The following CADPS variants were observed in gnomAD, a reference collection of about 807,000 sequenced individuals.
CADPS encodes the protein calcium-dependent secretion activator 1.
In CADPS, 57 loss-of-function variants were observed where a neutral mutation model predicts 167.3. That is an observed-to-expected ratio of 0.34 (90% CI 0.28 to 0.42). The LOEUF (loss-of-function observed/expected upper bound fraction) is 0.42. CADPS is among the 20% of genes least tolerant of loss of function. The pLI, the probability that CADPS is intolerant of heterozygous loss-of-function variation, is 1.00. For synonymous variants in CADPS, 676 were observed against 635.3 expected, an observed-to-expected ratio of 1.06 and a Z score of -0.96; for missense variants, 1,414 against 1,738.1, an observed-to-expected ratio of 0.81 and a Z score of 3.32.
At chr3:62,810,583 T>G (rs2152863328) in intron 1 of CADPS, among the ~76,000 whole-genome samples, 1 of 152,318 alleles carries the variant, frequency 6.6e-6, no homozygotes, top group Non-Finnish European at 1.5e-5. Context: ...GAGCATGAAT[T>G]TCTGATAATC....
At chr3:62,543,104 C>T (rs2075964275) in intron 11 of CADPS, among the ~76,000 whole-genome samples, 1 of 152,048 alleles carries the variant, frequency 6.6e-6, no homozygotes, top group African/African-American at 2.4e-5. Flanking sequence ...TAGATCAAAT[C>T]ATGGTGTTTG....
intron 1 of CADPS, among the ~76,000 whole-genome samples, chr3:62,852,363 G>C (rs2078789250): frequency 1.3e-5 from 2 of 152,130 alleles, no homozygotes; most frequent in African/African-American, 2.4e-5. Flanking sequence ...CCCGTCTTCT[G>C]TGTCGCTCAC....
At chr3:62,500,858 A>G (rs1249217318) in intron 17 of CADPS, among the ~76,000 whole-genome samples, 2 of 152,226 alleles carry the variant, frequency 1.3e-5, no homozygotes, top group African/African-American at 2.4e-5. Flanking sequence ...CGTAATGAAC[A>G]TATCAGGTCA....
Position 62,438,223 on chromosome 3 carries a change from C to A in CADPS, c.3670-12G>T, listed in dbSNP as rs1332386461. 3.1e-6 allele frequency: 5 copies of A among 1,606,166 alleles called. No homozygotes were observed. The South Asian group carries it at 4.4e-5, about 14-fold the overall frequency. ...TCCATCCCGGGTTTCTGTAAAGAAA[C>A]AGGAAAACATGAAAACGAATTTTCA... On this transcript the variant is annotated splice_polypyrimidine_tract_variant and intron_variant, in intron 27 of 29. Transcript: ENST00000383710. The surrounding 1 kb of genome is among the most constrained non-coding windows in gnomAD (Gnocchi z 4.7).
rs5849492 is a variant in CADPS, at chr3:62,662,506, T to TA, written c.889-113dup. On this transcript the variant is annotated intron_variant, in intron 3 of 29. Transcript: ENST00000383710. Reference sequence around the variant, plus strand: ...CTGTGCTCCATGGACATATTTCAGTTAAAAAAAAATTCTTATAACCGACAA... The same window carrying TA: ...CTGTGCTCCATGGACATATTTCAGTTAAAAAAAAAATTCTTATAACCGACAA... 2,513 of 845,766 alleles carry TA rather than the reference T, an allele frequency of 3.0e-3. 44 individuals carry two copies. In the African/African-American group the frequency reaches 0.035, roughly 12 times the overall value. 52.4% of individuals were successfully genotyped at this position (845,766 alleles called of 1,614,324 possible). A position where few individuals can be genotyped will look rare whatever the true frequency, so the allele number is the denominator to read the frequency against.
At chr3:62,561,078 CAAA>C (rs34584073) in intron 9 of CADPS, among the ~76,000 whole-genome samples, 4 of 83,584 alleles carry the variant, frequency 4.8e-5, no homozygotes, top group African/African-American at 1.5e-4. Flanking sequence ...AACTCCATCT[CAAA>C]AAAAAAAAAA....
chr3:62,630,497 C>T (rs1228733680), intron 6 of CADPS, among the ~76,000 whole-genome samples: 1 of 152,072 alleles, frequency 6.6e-6, no homozygotes, highest in African/African-American at 2.4e-5. Flanking sequence ...TGCAGGCATG[C>T]ACCACCACAC....
chr3:62,518,933 A>ATGTTTATTCC (rs2069695342), intron 13 of CADPS, among the ~76,000 whole-genome samples: 1 of 152,194 alleles, frequency 6.6e-6, no homozygotes, highest in South Asian at 2.1e-4. Context: ...AATTTTAGCA[A>ATGTTTATTCC]ACTGTTACTC....
At chr3:62,442,068 A>G (rs2056405116) in intron 27 of CADPS, among the ~76,000 whole-genome samples, 2 of 152,198 alleles carry the variant, frequency 1.3e-5, no homozygotes, top group South Asian at 2.1e-4. Context: ...TTAAAAAATA[A>G]TAATAAAAGC....
intron 1 of CADPS, among the ~76,000 whole-genome samples, chr3:62,780,377 C>G (rs1264748074): frequency 6.6e-6 from 1 of 152,018 alleles, no homozygotes; most frequent in African/African-American, 2.4e-5. Flanking sequence ...ATGACAGCAC[C>G]ACTGAACTCC....
At chr3:62,572,433 T>A (rs1276006586) in intron 8 of CADPS, among the ~76,000 whole-genome samples, 1 of 152,144 alleles carries the variant, frequency 6.6e-6, no homozygotes, top group East Asian at 1.9e-4. Context: ...GACACGAGAA[T>A]GATTTTCATC....
chr3:62,805,268 C>G (rs1162386140), intron 1 of CADPS, among the ~76,000 whole-genome samples: 4 of 152,176 alleles, frequency 2.6e-5, no homozygotes, highest in Admixed American at 1.3e-4. Flanking sequence ...TTCTCAAGCG[C>G]TGCTTTCTGT....
chr3:62,616,607 C>G (rs1355207213), intron 6 of CADPS, among the ~76,000 whole-genome samples: 1 of 152,244 alleles, frequency 6.6e-6, no homozygotes, highest in Admixed American at 6.5e-5. Flanking sequence ...TACAGCACAT[C>G]TAGTTTGCAA....
chr3:62,753,325 G>A lies in CADPS; in HGVS notation c.888+116C>T. 1 of 722,096 alleles carries A rather than the reference G, an allele frequency of 1.4e-6. No homozygotes were observed. Among genetic ancestry groups the A allele is most frequent in the Non-Finnish European group, 2.3e-6 (1 of 443,422 alleles). 44.7% of individuals were successfully genotyped at this position (722,096 alleles called of 1,614,324 possible). ...AACTGTATTCAACTTTTTACCAGTA[G>A]AGTAATAAAATATAAGTTTTAATCC... On this transcript the variant is annotated intron_variant, in intron 3 of 29. Coordinates refer to ENST00000383710, the MANE Select transcript of CADPS (RefSeq NM_003716.4). The surrounding 1 kb of genome is among the most constrained non-coding windows in gnomAD (Gnocchi z 4.6).
rs2073643079 is a variant in CADPS at position 62,663,030 on chromosome 3, C to A, written c.889-636G>T. On this transcript the variant is annotated intron_variant, in intron 3 of 29. Coordinates refer to ENST00000383710, the MANE Select transcript of CADPS (RefSeq NM_003716.4). ...TAAATAAGCCTGGACAATTCCCTAACTTCTCTGTTTTCAGTTTTTTCTATC... is the reference window on the plus strand; with the variant it reads ...TAAATAAGCCTGGACAATTCCCTAAATTCTCTGTTTTCAGTTTTTTCTATC... Among the ~76,000 whole-genome samples the A allele has an allele frequency of 2.0e-5, 3 of 152,282 alleles. No homozygotes were observed. In the South Asian group the frequency reaches 6.2e-4, roughly 32 times the overall value.
chr3:62,518,470 T>A (rs2069555915), intron 13 of CADPS, among the ~76,000 whole-genome samples: 1 of 152,210 alleles, frequency 6.6e-6, no homozygotes, highest in Admixed American at 6.5e-5. Context: ...TCTTTTCTTG[T>A]GAAATGGTAA....
Position 62,438,017 on chromosome 3 carries a change from A to G in CADPS, c.3777+87T>C, listed in dbSNP as rs2055505267. The G allele has an allele frequency of 1.2e-6, 1 of 859,138 alleles. No homozygotes were observed. The highest frequency in any genetic ancestry group is 1.9e-6 in the Non-Finnish European group (1 of 525,668). The allele number at this position is 859,138 out of a possible 1,614,324, so 53.2% of individuals were successfully genotyped here. A position where few individuals can be genotyped will look rare whatever the true frequency, so the allele number is the denominator to read the frequency against. On this transcript the variant is annotated intron_variant, in intron 28 of 29. Coordinates refer to ENST00000383710, the MANE Select transcript of CADPS (RefSeq NM_003716.4). The surrounding 1 kb of genome is among the most constrained non-coding windows in gnomAD (Gnocchi z 4.7). The stretch of plus-strand genomic sequence containing the variant: ...AATCAGAACCAATCCATTTTCTCAA[A>G]ATGTGACTTATCCTCCTGTCTCTTA...
chr3:62,466,429 G>A lies in CADPS; in HGVS notation c.3478-16C>T, dbSNP rs767660059. On this transcript the variant is annotated splice_polypyrimidine_tract_variant and intron_variant, in intron 24 of 29. Transcript: ENST00000383710. ...GGTATTGATGCTAAGAACACAGAAA[G>A]ACAAATATTAGCATGTTTGGGAGGT... The A allele has an allele frequency of 9.1e-6, 14 of 1,541,450 alleles. No individual in the cohort carries two copies. The African/African-American group carries it at 1.9e-4, about 21-fold the overall frequency.
At chr3:62,870,450 T>C (rs534640692) in intron 1 of CADPS, among the ~76,000 whole-genome samples, 2 of 152,276 alleles carry the variant, frequency 1.3e-5, no homozygotes, top group South Asian at 2.1e-4. Context: ...GGTATGGCTT[T>C]TTAGTCTTGC....
Sources: gnomAD v4.1 joint callset for allele counts (sites outside exome capture counted in the v4.1 genomes callset) on GRCh38, gnomAD v4.1.1 for gene constraint, Gnocchi (gnomAD v3.1) non-coding constraint, MANE v1.5 for transcripts, NCBI Gene and HGNC (gene_info 2026-07-23, HGNC 2026-07-21) for gene names.